IPPK: variants seen among roughly 807,000 people sequenced by gnomAD.
IPPK encodes the protein IPK1 homolog.
IPPK carries 22 observed loss-of-function variants against 64.6 expected under a neutral mutation model. That is an observed-to-expected ratio of 0.34 (90% confidence interval 0.24 to 0.49). The LOEUF is 0.49. IPPK is among the 20% of genes least tolerant of loss of function. The pLI, the probability that IPPK is intolerant of heterozygous loss-of-function variation, is 0.99. For missense variants in IPPK, 532 were observed against 630.7 expected (o/e 0.84, Z 1.68); for synonymous variants, 262 against 247.2 (o/e 1.06, Z -0.56).
In IPPK at chr9:92,652,554, G is replaced by A; in HGVS notation, c.292+19C>T. ...ATATTTTAAATTACAAACAATATCT[G>A]TAAGTTAAACACCCTTACCTGGTCT... On this transcript the variant is annotated intron_variant, in intron 4 of 12. Coordinates refer to ENST00000287996, the MANE Select transcript of IPPK (RefSeq NM_022755.6). 7.4e-7 allele frequency: 1 copy of A among 1,358,934 alleles called. No homozygotes were observed. The highest frequency in any genetic ancestry group is 1.0e-6 in the Non-Finnish European group (1 of 981,098). The allele number at this position is 1,358,934 out of a possible 1,614,324, so 84.2% of individuals were successfully genotyped here.
intron 6 of IPPK, among the ~76,000 whole-genome samples, chr9:92,645,042 T>C (rs1852124086): frequency 6.6e-6 from 1 of 152,126 alleles, no homozygotes; most frequent in South Asian, 2.1e-4. Flanking sequence ...AGGAGAATAA[T>C]GTCTCAACAA....
intron 11 of IPPK, among the ~76,000 whole-genome samples, chr9:92,627,484 A>G (rs1180740653): frequency 1.3e-5 from 2 of 152,228 alleles, no homozygotes; most frequent in African/African-American, 2.4e-5. Context: ...CCAGCAACAT[A>G]TAAGAAGGAC....
intron 11 of IPPK, among the ~76,000 whole-genome samples, chr9:92,621,193 T>C (rs1851615889): frequency 6.9e-6 from 1 of 145,426 alleles, no homozygotes; most frequent in African/African-American, 2.6e-5. Context: ...ACCTTGGGAG[T>C]TGGGATTTCA....
intron 11 of IPPK, among the ~76,000 whole-genome samples, chr9:92,625,463 A>T (rs1305385260): frequency 6.6e-6 from 1 of 152,228 alleles, no homozygotes; most frequent in East Asian, 1.9e-4. Flanking sequence ...ATACCAACAA[A>T]TTAATACCCA....
intron 1 of IPPK, among the ~76,000 whole-genome samples, chr9:92,661,617 G>C: frequency 6.6e-6 from 1 of 152,146 alleles, no homozygotes; most frequent in East Asian, 1.9e-4. Flanking sequence ...TCCCATTATG[G>C]AGCCCAAGAG....
chr9:92,642,239 G>GA (rs1852064617), intron 7 of IPPK, among the ~76,000 whole-genome samples: 1 of 152,266 alleles, frequency 6.6e-6, no homozygotes, highest in South Asian at 2.1e-4. Flanking sequence ...GCTGCCCCAG[G>GA]AGAGTAATGT....
Position 92,619,537 on chromosome 9 carries a change from G to T in IPPK, c.1199C>A (p.Ala400Asp). 2 of 1,591,388 alleles carry T rather than the reference G, an allele frequency of 1.3e-6. No individual in the cohort carries two copies. Among genetic ancestry groups the T allele is most frequent in the African/African-American group, 2.7e-5 (2 of 74,910 alleles). The change falls in exon 12 of 13, where the codon GCC (alanine) becomes GAC (aspartate). Residue 400 changes from alanine (A) to aspartate (D), a missense_variant. By Grantham distance (126) the Ala-to-Asp change is moderately radical. Coordinates refer to ENST00000287996, the MANE Select transcript of IPPK (RefSeq NM_022755.6). ...TGCAATCATGATGGAGCAGTCCTTGGCAGTCATGGCGACGCGGTACTGCTG... is the reference window on the plus strand; with the variant it reads ...TGCAATCATGATGGAGCAGTCCTTGTCAGTCATGGCGACGCGGTACTGCTG... ...KVQQYRVAMT[A>D]KDCSIMIALS...
intron 11 of IPPK, among the ~76,000 whole-genome samples, chr9:92,629,390 T>C (rs1851792134): frequency 6.6e-6 from 1 of 152,172 alleles, no homozygotes; most frequent in African/African-American, 2.4e-5. Context: ...TTGCCAATCA[T>C]GTATCTGATA....
rs778252501 is a variant in IPPK, at chr9:92,648,128, A to G, written c.435T>C (p.Pro145=). ...VEIKPKCGFI[P]FSSDVTHEMK... The stretch of plus-strand genomic sequence containing the variant: ...TCTCATGCGTGACATCACTCGAGAA[A>G]GGAATAAACCCACATTTTGGCTGTA... The change falls in exon 6 of 13, where the codon CCT becomes CCC. Residue 145 remains proline (P), a synonymous_variant. Transcript: ENST00000287996. 1 of 1,613,580 alleles carries G rather than the reference A, an allele frequency of 6.2e-7. No individual in the cohort carries two copies. Among genetic ancestry groups the G allele is most frequent in the Non-Finnish European group, 8.5e-7 (1 of 1,179,698 alleles).
chr9:92,650,765 C>G (rs1370340350), intron 4 of IPPK, among the ~76,000 whole-genome samples: 2 of 152,130 alleles, frequency 1.3e-5, no homozygotes, highest in Non-Finnish European at 2.9e-5. Flanking sequence ...ACCCTTAGCC[C>G]AGGAACTTGA....
Position 92,638,033 on chromosome 9 carries a change from G to A in IPPK, c.884C>T (p.Ala295Val). Residue 295 changes from alanine to valine, a missense_variant, in exon 9 of 13, where the codon GCC (alanine) becomes GTC (valine). Coordinates refer to ENST00000287996, the MANE Select transcript of IPPK (RefSeq NM_022755.6). ...LGPQGPRVCE[A>V]SPFSRSLRCQ... ...GCGAAGGCTCCTACTGAAAGGGCTG[G>A]CTTCGCAGACTCGCGGGCCCTGAGG... 1.3e-6 allele frequency: 2 copies of A among 1,597,104 alleles called. No individual in the cohort carries two copies. The highest frequency in any genetic ancestry group is 1.7e-6 in the Non-Finnish European group (2 of 1,171,732).
At chr9:92,656,972 C>A (rs980625766) in intron 2 of IPPK, among the ~76,000 whole-genome samples, 6 of 152,152 alleles carry the variant, frequency 3.9e-5, no homozygotes, top group African/African-American at 1.2e-4. Flanking sequence ...CTTAAAGAGT[C>A]AGTAAGGTGA....
rs1852188985 is a variant in IPPK at position 92,648,240 on chromosome 9, A to G, written c.415-92T>C. 7.3e-6 allele frequency: 7 copies of G among 961,108 alleles called. No homozygotes were observed. The Admixed American group carries it at 1.1e-4, about 16-fold the overall frequency. 59.5% of individuals were successfully genotyped at this position (961,108 alleles called of 1,614,324 possible). A position where few individuals can be genotyped will look rare whatever the true frequency, so the allele number is the denominator to read the frequency against. ...TCACTGACTACAAGATAATGAGTGC[A>G]GCAAGATAATTAGGCATAAATGGCC... On this transcript the variant is annotated intron_variant, in intron 5 of 12. Transcript: ENST00000287996.
chr9:92,618,120 G>A (rs1159482364), intron 12 of IPPK: 3 of 413,142 alleles, frequency 7.3e-6, no homozygotes, highest in South Asian at 3.4e-5. Flanking sequence ...CGGCCACTGC[G>A]CACACCTTCC....
intron 1 of IPPK, among the ~76,000 whole-genome samples, chr9:92,667,902 C>CA (rs1021181913): frequency 7.4e-5 from 11 of 148,694 alleles, no homozygotes; most frequent in African/African-American, 1.2e-4. Context: ...GACTCCGTCT[C>CA]AAAAAAAAAG....
intron 4 of IPPK, among the ~76,000 whole-genome samples, chr9:92,650,204 T>TC (rs1852236150): frequency 6.8e-6 from 1 of 146,680 alleles, no homozygotes; most frequent in South Asian, 2.3e-4. Context: ...GCACCTGTAA[T>TC]CCCAGCTACT....
In IPPK at chr9:92,635,423, C is replaced by T; in HGVS notation, c.917-115G>A. 8 of 1,140,054 alleles carry T rather than the reference C, an allele frequency of 7.0e-6. No individual in the cohort carries two copies. Among genetic ancestry groups the T allele is most frequent in the African/African-American group, 1.6e-5 (1 of 64,178 alleles). 70.6% of individuals were successfully genotyped at this position (1,140,054 alleles called of 1,614,324 possible). A position where few individuals can be genotyped will look rare whatever the true frequency, so the allele number is the denominator to read the frequency against. ...CCTGGGCTCCGCCATACGGGCATCA[C>T]CACAGGCAAGGACTGCACCCTGGAC... is the stretch of plus-strand genomic sequence containing the variant. On this transcript the variant is annotated intron_variant, in intron 9 of 12. Coordinates refer to ENST00000287996, the MANE Select transcript of IPPK (RefSeq NM_022755.6). The surrounding 1 kb of genome is among the most constrained non-coding windows in gnomAD (Gnocchi z 4.4).
intron 7 of IPPK, 52 bp from the exon 8 acceptor site, chr9:92,640,834 C>T (rs1222204592): frequency 8.1e-7 from 1 of 1,240,068 alleles, no homozygotes; most frequent in Admixed American, 1.7e-5. Flanking sequence ...ACTGACCTGT[C>T]CCTGCACACA....
At position 92,615,931 on chromosome 9, in the gene IPPK, G is replaced by A. The variant is rs760825569; in HGVS notation, c.1377C>T (p.Val459=). Residue 459 remains valine (V), a synonymous_variant, in exon 13 of 13, where the codon GTC becomes GTT. Transcript: ENST00000287996. The stretch of plus-strand genomic sequence containing the variant: ...CACGTACAGTCTTTGAATAATAGTT[G>A]ACGATCTTGCCGTCCAGTTTATACT... The part of the protein sequence containing the change: ...PHQYKLDGKI[V]NYYSKTVRAK... The A allele has an allele frequency of 1.2e-6, 2 of 1,614,120 alleles. No individual in the cohort carries two copies. Among genetic ancestry groups the A allele is most frequent in the South Asian group, 1.1e-5 (1 of 91,066 alleles).
Sources: allele counts gnomAD v4.1 joint callset (sites outside exome capture counted in the v4.1 genomes callset), GRCh38; gene constraint gnomAD v4.1.1; non-coding constraint Gnocchi (gnomAD v3.1); transcripts MANE v1.5; gene names NCBI Gene and HGNC (gene_info 2026-07-23, HGNC 2026-07-21).